CFAP36: variants seen among roughly 807,000 people sequenced by gnomAD.
CFAP36 encodes the protein cilia and flagella associated protein 36, also known as cilia- and flagella-associated protein 36.
Under a neutral mutation model 50.5 loss-of-function variants are expected in CFAP36, and 37 were observed. That is an observed-to-expected ratio of 0.73 (90% CI 0.56 to 0.96). CFAP36 has a LOEUF of 0.96. Among genes scored for constraint, CFAP36 ranks in the 50% least tolerant of loss-of-function variants. CFAP36 has a pLI of 0.00. For synonymous variants in CFAP36, 138 were observed against 128.2 expected, an observed-to-expected ratio of 1.08 and a Z score of -0.52; for missense variants, 407 against 396.2, an observed-to-expected ratio of 1.03 and a Z score of -0.23.
At chr2:55,526,682 ATCC>A (rs1446118636) in intron 3 of CFAP36, among the ~76,000 whole-genome samples, 1 of 152,092 alleles carries the variant, frequency 6.6e-6, no homozygotes, top group African/African-American at 2.4e-5. Context: ...GCATCAAGCA[ATCC>A]TCCTGCCTCA....
rs776607466 is a variant in CFAP36, at chr2:55,519,755, C to T, written c.-47C>T. The T allele has an allele frequency of 6.3e-6, 10 of 1,595,402 alleles. No individual in the cohort carries two copies. The African/African-American group carries it at 1.3e-4, about 21-fold the overall frequency. The stretch of plus-strand genomic sequence containing the variant: ...TGTGGCCCAAAGGCCTAACCGGGGT[C>T]CGGCGGTCTGGCCTAGGGATCTTCC... On this transcript the variant is annotated 5_prime_UTR_variant, in exon 1 of 10. Transcript: ENST00000349456.
At chr2:55,530,461 G>A (rs959167038) in intron 4 of CFAP36, among the ~76,000 whole-genome samples, 1 of 152,138 alleles carries the variant, frequency 6.6e-6, no homozygotes, top group African/African-American at 2.4e-5. Flanking sequence ...ACTGTTCTAG[G>A]GCACTGGGCA....
At chr2:55,533,257 T>C (rs1313033191) in intron 4 of CFAP36, among the ~76,000 whole-genome samples, 1 of 152,224 alleles carries the variant, frequency 6.6e-6, no homozygotes, top group Non-Finnish European at 1.5e-5. Context: ...CACTATATGA[T>C]TATGGAAGAG....
At chr2:55,530,765 C>T (rs562548883) in intron 4 of CFAP36, among the ~76,000 whole-genome samples, 3 of 152,304 alleles carry the variant, frequency 2.0e-5, no homozygotes, top group East Asian at 3.9e-4. Flanking sequence ...TCTATGTCTT[C>T]GTTAGCTCAA....
At chr2:55,519,952 C>A in intron 1 of CFAP36, 36 bp downstream of exon 1, 1 of 1,591,464 alleles carries the variant, frequency 6.3e-7, no homozygotes, top group Non-Finnish European at 8.6e-7. Flanking sequence ...ATCCTTTTCT[C>A]CTCTCTCACA....
chr2:55,528,123 G>A (rs1684257775), intron 3 of CFAP36, among the ~76,000 whole-genome samples: 1 of 151,374 alleles, frequency 6.6e-6, no homozygotes, highest in Admixed American at 6.6e-5. Context: ...AAAGTGCTGG[G>A]ATTACAGGCA....
In CFAP36 at chr2:55,537,590, G is replaced by T. The variant is rs565183768; in HGVS notation, c.640+5G>T. The T allele has an allele frequency of 1.3e-5, 20 of 1,583,022 alleles. No homozygotes were observed. The African/African-American group carries it at 2.6e-4, about 20-fold the overall frequency. On this transcript the variant is annotated splice_donor_5th_base_variant and intron_variant, in intron 7 of 9. Coordinates refer to ENST00000349456, the MANE Select transcript of CFAP36 (RefSeq NM_080667.7). ...ATTTTGCACACCCACCCTCAGGTAA[G>T]GTTGAGGTGTACTGAACTTTCTCTA...
chr2:55,538,737 CCATCCCTTCTTTTTTTTTTTTT>C, intron 7 of CFAP36: 1 of 1,491,916 alleles, frequency 6.7e-7, no homozygotes, highest in Non-Finnish European at 9.1e-7. Flanking sequence ...GCCACTGTAC[CCATCCCTTCTTTTTTTTTTTTT>C]TAAAGAAATT....
At chr2:55,539,699 CTG>C (rs1468726925) in intron 7 of CFAP36, among the ~76,000 whole-genome samples, 1 of 152,236 alleles carries the variant, frequency 6.6e-6, no homozygotes, top group Non-Finnish European at 1.5e-5. Flanking sequence ...AAGTGCCAAA[CTG>C]TGTTCTAAAG....
chr2:55,534,964 G>T (rs1684444754), intron 5 of CFAP36, among the ~76,000 whole-genome samples: 1 of 152,164 alleles, frequency 6.6e-6, no homozygotes, highest in Admixed American at 6.6e-5. Flanking sequence ...TCCTTGGATG[G>T]CAGGGGCAAA....
chr2:55,535,920 A>G (rs941122960), intron 6 of CFAP36, 157 bp downstream of exon 6: 11 of 1,349,910 alleles, frequency 8.1e-6, no homozygotes, highest in Non-Finnish European at 1.1e-5. Context: ...CAATAATTCT[A>G]TGTATGTCGT....
At chr2:55,525,777 C>A (rs1266371864) in intron 3 of CFAP36, among the ~76,000 whole-genome samples, 3 of 152,048 alleles carry the variant, frequency 2.0e-5, no homozygotes, top group Non-Finnish European at 4.4e-5. Flanking sequence ...ATTACAGGCT[C>A]CCACCACCAT....
chr2:55,539,669 G>T (rs1684582788), intron 7 of CFAP36: 1 of 152,238 alleles, frequency 6.6e-6, no homozygotes, highest in African/African-American at 2.4e-5. Context: ...TACAGTAAGA[G>T]TATGTTTAGT....
intron 7 of CFAP36, chr2:55,538,874 TAGA>T: frequency 3.3e-6 from 5 of 1,493,690 alleles, no homozygotes; most frequent in South Asian, 2.7e-5. Context: ...AACCTTAGTT[TAGA>T]AGAACTTCTA....
At chr2:55,544,775 A>C (rs1028617274) in intron 9 of CFAP36, 132 bp from the exon 10 acceptor site, 2 of 625,950 alleles carry the variant, frequency 3.2e-6, no homozygotes, top group African/African-American at 3.7e-5. Flanking sequence ...TAGGAAACCT[A>C]GTCTATGTCT....
chr2:55,523,297 C>T (rs557343504), intron 2 of CFAP36, among the ~76,000 whole-genome samples: 2 of 151,676 alleles, frequency 1.3e-5, no homozygotes, highest in Non-Finnish European at 2.9e-5. Context: ...CGCCTCTAGT[C>T]CCAGCTACTC....
intron 4 of CFAP36, among the ~76,000 whole-genome samples, chr2:55,532,149 C>T (rs1252667491): frequency 6.6e-6 from 1 of 151,076 alleles, no homozygotes; most frequent in Non-Finnish European, 1.5e-5. Flanking sequence ...CTGCAGTGAG[C>T]TATGATAGTA....
At chr2:55,538,118 A>G (rs1038729342) in intron 7 of CFAP36, among the ~76,000 whole-genome samples, 33 of 152,298 alleles carry the variant, frequency 2.2e-4, no homozygotes, top group African/African-American at 7.5e-4. Context: ...TGGCAAATCT[A>G]TTCTCAATAT....
intron 7 of CFAP36, among the ~76,000 whole-genome samples, chr2:55,542,325 A>AT (rs1345036946): frequency 6.6e-6 from 1 of 152,192 alleles, no homozygotes; most frequent in Non-Finnish European, 1.5e-5. Flanking sequence ...TTTTAAAATA[A>AT]TTTTTTTCAA....
Sources: allele counts gnomAD v4.1 joint callset (sites outside exome capture counted in the v4.1 genomes callset), GRCh38; gene constraint gnomAD v4.1.1; transcripts MANE v1.5; gene names NCBI Gene and HGNC (gene_info 2026-07-23, HGNC 2026-07-21).